The following CHD9 variants were observed in gnomAD, a reference collection of about 807,000 sequenced individuals.
CHD9 encodes chromodomain helicase DNA binding protein 9.
Under a neutral mutation model 316.1 loss-of-function variants are expected in CHD9, and 77 were observed. That is an observed-to-expected ratio of 0.24 (90% confidence interval 0.20 to 0.29). The LOEUF is 0.29. Ranked by LOEUF, CHD9 falls within the 10% of genes least tolerant of loss-of-function variation. The pLI is 1.00. For missense variants in CHD9, 2,763 were observed against 3,438.1 expected (o/e 0.80, Z 4.91); for synonymous variants, 1,129 against 1,158.3 (o/e 0.97, Z 0.51).
chr16:53,250,731 G>T (rs2050058945), intron 17 of CHD9: 1 of 151,948 alleles, frequency 6.6e-6, no homozygotes, highest in Non-Finnish European at 1.5e-5. Context: ...GTCTAAATTT[G>T]CAGAAGGATA....
intron 29 of CHD9, 137 bp downstream of exon 29, chr16:53,293,189 A>G: frequency 1.5e-6 from 1 of 664,350 alleles, no homozygotes; most frequent in Non-Finnish European, 2.6e-6. Flanking sequence ...TTGTGCACAT[A>G]CACACATATA....
intron 17 of CHD9, among the ~76,000 whole-genome samples, chr16:53,251,076 G>A (rs559718114): frequency 3.2e-4 from 49 of 152,206 alleles, no homozygotes; most frequent in African/African-American, 1.2e-3. Context: ...ATAAGCCAGA[G>A]ACCACCAACT....
chr16:53,104,082 C>T (rs918353589), intron 1 of CHD9, among the ~76,000 whole-genome samples: 6 of 152,182 alleles, frequency 3.9e-5, no homozygotes, highest in Non-Finnish European at 7.3e-5. Flanking sequence ...TGCTCCTCTT[C>T]CCTGGAGTTG....
At chr16:53,253,417 G>A (rs1319304141) in intron 17 of CHD9, among the ~76,000 whole-genome samples, 1 of 152,122 alleles carries the variant, frequency 6.6e-6, no homozygotes, top group Non-Finnish European at 1.5e-5. Context: ...CATAAGAATG[G>A]TATGATGGAC....
At position 53,306,402 on chromosome 16, in the gene CHD9, A is replaced by C. The variant is rs764085864; in HGVS notation, c.6780+5A>C. The C allele has an allele frequency of 1.5e-4, 238 of 1,559,942 alleles. 1 individual carries two copies. The highest frequency in any genetic ancestry group is 2.0e-4 in the Non-Finnish European group (231 of 1,159,016). Reference sequence around the variant, plus strand: ...GCAGCCTCGTATTGGCCAAAGGTAAAGAAATAATTTCTTATTGGGATAGGT... The same window carrying C: ...GCAGCCTCGTATTGGCCAAAGGTAACGAAATAATTTCTTATTGGGATAGGT... On this transcript the variant is annotated splice_donor_5th_base_variant and intron_variant, in intron 32 of 38. Coordinates refer to ENST00000447540, the MANE Select transcript of CHD9 (RefSeq NM_001308319.2).
intron 17 of CHD9, chr16:53,250,694 G>A (rs2050055807): frequency 6.6e-6 from 1 of 151,934 alleles, no homozygotes; most frequent in African/African-American, 2.4e-5. Context: ...AGAAATATAG[G>A]AATATTAATT....
chr16:53,324,058 T>C lies in CHD9; in HGVS notation c.7857T>C (p.Thr2619=), dbSNP rs1401442973. The C allele has an allele frequency of 6.2e-7, 1 of 1,613,742 alleles. No individual in the cohort carries two copies. Among genetic ancestry groups the C allele is most frequent in the Admixed American group, 1.7e-5 (1 of 60,024 alleles). The change falls in exon 39 of 39, where the codon ACT becomes ACC. Residue 2619 remains threonine (T), a synonymous_variant. Transcript: ENST00000447540. ...AAAGCATGTATGAACGTATTCTCAC[T>C]GGTCCCGTTGTGAGAGAGGAAGTAA... ...LPESMYERIL[T]GPVVREEVSR...
intron 24 of CHD9, among the ~76,000 whole-genome samples, chr16:53,278,754 A>G (rs1029424181): frequency 6.6e-6 from 1 of 152,232 alleles, no homozygotes; most frequent in Non-Finnish European, 1.5e-5. Flanking sequence ...AGACACATGA[A>G]AAAATGCTCA....
In CHD9 at chr16:53,318,347, TA is replaced by T. The variant is rs1369328834; in HGVS notation, c.7713+9del. The T allele has an allele frequency of 1.3e-6, 2 of 1,587,874 alleles. No individual in the cohort carries two copies. The highest frequency in any genetic ancestry group is 1.8e-5 in the Admixed American group (1 of 54,528). ...CAGAAGAAATGCTAGAAAGGTATTT[TA>T]ATGTTTTTTTCTTAATCTTTTGTAT... On this transcript the variant is annotated splice_region_variant and intron_variant, in intron 37 of 38. Coordinates refer to ENST00000447540, the MANE Select transcript of CHD9 (RefSeq NM_001308319.2).
intron 20 of CHD9, among the ~76,000 whole-genome samples, chr16:53,265,466 G>A (rs1381174338): frequency 6.6e-6 from 1 of 151,894 alleles, no homozygotes; most frequent in African/African-American, 2.4e-5. Context: ...AAAAAGTATG[G>A]TACTGACAGA....
At chr16:53,228,569 CTCGCTCTG>C (rs1420829928) in intron 7 of CHD9, among the ~76,000 whole-genome samples, 1 of 121,906 alleles carries the variant, frequency 8.2e-6, no homozygotes, top group Non-Finnish European at 1.6e-5. Flanking sequence ...GAGACGGAGT[CTCGCTCTG>C]TCGCCCAGGC....
chr16:53,302,007 C>T (rs2153077414), intron 30 of CHD9, among the ~76,000 whole-genome samples: 1 of 152,150 alleles, frequency 6.6e-6, no homozygotes. Flanking sequence ...TCATGATCCA[C>T]CCGCCTCGGC....
chr16:53,143,488 T>C (rs1022501601), intron 1 of CHD9, among the ~76,000 whole-genome samples: 1 of 151,642 alleles, frequency 6.6e-6, no homozygotes, highest in African/African-American at 2.4e-5. Context: ...CCCGGGTTCA[T>C]ACCATTCTCC....
chr16:53,314,451 G>C lies in CHD9; in HGVS notation c.7297G>C (p.Gly2433Arg). 2 of 1,586,022 alleles carry C rather than the reference G, an allele frequency of 1.3e-6. No individual in the cohort carries two copies. Among genetic ancestry groups the C allele is most frequent in the Non-Finnish European group, 1.7e-6 (2 of 1,164,620 alleles). The change falls in exon 35 of 39, where the codon GGA (glycine) becomes CGA (arginine). Residue 2433 changes from glycine to arginine, a missense_variant. By Grantham distance (125) the Gly-to-Arg change is moderately radical. This residue lies in a region of CHD9 where 663 missense variants were observed against 751.2 expected (regional missense o/e 0.88). Coordinates refer to ENST00000447540, the MANE Select transcript of CHD9 (RefSeq NM_001308319.2). Reference sequence around the variant, plus strand: ...CCAGCCTATAGTCAAAAAAAGGCGAGGAAGGAGGAAGAATGTAGAAGGTGT... The same window carrying C: ...CCAGCCTATAGTCAAAAAAAGGCGACGAAGGAGGAAGAATGTAGAAGGTGT... ...DNQPIVKKRR[G>R]RRKNVEGVDI...
chr16:53,202,005 T>C (rs2152850761), intron 2 of CHD9, among the ~76,000 whole-genome samples: 1 of 151,488 alleles, frequency 6.6e-6, no homozygotes, highest in African/African-American at 2.4e-5. Context: ...ACTACAGATG[T>C]GCACCATCAC....
intron 10 of CHD9, among the ~76,000 whole-genome samples, chr16:53,233,799 T>C (rs2048383672): frequency 6.6e-6 from 1 of 152,172 alleles, no homozygotes. Context: ...ATCAAATACA[T>C]ATTTCACAAT....
chr16:53,103,760 T>C (rs180712899), intron 1 of CHD9, among the ~76,000 whole-genome samples: 2 of 152,330 alleles, frequency 1.3e-5, no homozygotes, highest in East Asian at 3.9e-4. Flanking sequence ...CTAACATTGG[T>C]CTCTAGTGCC....
At chr16:53,125,950 T>C (rs879858362) in intron 1 of CHD9, among the ~76,000 whole-genome samples, 1 of 152,246 alleles carries the variant, frequency 6.6e-6, no homozygotes, top group Non-Finnish European at 1.5e-5. Context: ...GTTTTGTCTT[T>C]CTTTGCACTT....
intron 29 of CHD9, among the ~76,000 whole-genome samples, chr16:53,295,829 A>T (rs974739961): frequency 1.3e-5 from 2 of 152,194 alleles, no homozygotes; most frequent in Non-Finnish European, 2.9e-5. Context: ...TTAAGCAAGG[A>T]CAGGGTTCTA....
Sources: allele counts gnomAD v4.1 joint callset (sites outside exome capture counted in the v4.1 genomes callset), GRCh38; gene constraint gnomAD v4.1.1; regional missense constraint gnomAD v4.1.1; transcripts MANE v1.5; gene names NCBI Gene and HGNC (gene_info 2026-07-23, HGNC 2026-07-21).